The following KANK1 variants were observed in gnomAD, a reference collection of about 807,000 sequenced individuals.
KANK1 encodes KN motif and ankyrin repeat domains 1, also known as KN motif and ankyrin repeat domain-containing protein 1.
A neutral mutation model predicts 106.2 loss-of-function variants in KANK1; 109 were observed. That is an observed-to-expected ratio of 1.03 (90% CI 0.88 to 1.20). The LOEUF is 1.20. Among genes scored for constraint, KANK1 ranks in the 50% most tolerant of loss-of-function variants. The pLI, the probability that KANK1 is intolerant of heterozygous loss-of-function variation, is 0.00. For synonymous variants in KANK1, 873 were observed against 652.2 expected, an observed-to-expected ratio of 1.34 and a Z score of -5.16; for missense variants, 2,399 against 1,710.7, an observed-to-expected ratio of 1.40 and a Z score of -7.10.
chr9:683,955 T>A (rs1054823262), intron 2 of KANK1, among the ~76,000 whole-genome samples: 6 of 152,156 alleles, frequency 3.9e-5, no homozygotes, highest in African/African-American at 1.4e-4. Context: ...TGTAACTACT[T>A]CTTAGATTTC....
chr9:682,021 T>C (rs1009439302), intron 2 of KANK1, among the ~76,000 whole-genome samples: 3 of 152,190 alleles, frequency 2.0e-5, no homozygotes, highest in African/African-American at 7.2e-5. Context: ...GGCTTACGCC[T>C]GTAATTCCAG....
intron 1 of KANK1, chr9:549,487 T>G (rs923186699): frequency 1.3e-5 from 2 of 152,268 alleles, no homozygotes; most frequent in Non-Finnish European, 2.9e-5. Flanking sequence ...CCCGTTCATG[T>G]TAAGCAGTTT....
chr9:521,358 T>C (rs934411853), intron 1 of KANK1, among the ~76,000 whole-genome samples: 3 of 151,524 alleles, frequency 2.0e-5, no homozygotes, highest in African/African-American at 4.9e-5. Flanking sequence ...ATGAGAAAGC[T>C]GAAGTCTCTT....
intron 11 of KANK1, chr9:744,834 T>G: frequency 8.4e-6 from 12 of 1,422,444 alleles, no homozygotes; most frequent in Non-Finnish European, 1.1e-5. Context: ...CCATAGAGGT[T>G]TTGATTCTGT....
Position 489,036 on chromosome 9 carries a change from G to A in KANK1, c.-362+15763G>A, listed in dbSNP as rs138635519. On this transcript the variant is annotated intron_variant, in intron 3 of 15. Transcript: ENST00000382303. ...GTAAAATGAGGATGCTTGATCCATTGTTTCTTAACTAGGAGGAGTTTTGGA... is the reference window on the plus strand; with the variant it reads ...GTAAAATGAGGATGCTTGATCCATTATTTCTTAACTAGGAGGAGTTTTGGA... The A allele has an allele frequency of 2.0e-5, 3 of 152,218 alleles. No individual in the cohort carries two copies. In the East Asian group the frequency reaches 5.8e-4, roughly 29 times the overall value. 9.4% of individuals were successfully genotyped at this position (152,218 alleles called of 1,614,324 possible).
At chr9:590,547 A>G (rs529000287) in intron 1 of KANK1, among the ~76,000 whole-genome samples, 1 of 152,326 alleles carries the variant, frequency 6.6e-6, no homozygotes, top group African/African-American at 2.4e-5. Context: ...TAGTGACTGT[A>G]GAAAAATGAA....
intron 1 of KANK1, among the ~76,000 whole-genome samples, chr9:565,715 C>T (rs545952834): frequency 2.0e-5 from 3 of 151,912 alleles, no homozygotes; most frequent in African/African-American, 7.3e-5. Flanking sequence ...GTCAGCCAGT[C>T]GTCAAAAATG....
At chr9:640,937 C>T (rs551273998) in intron 1 of KANK1, among the ~76,000 whole-genome samples, 2 of 152,094 alleles carry the variant, frequency 1.3e-5, no homozygotes, top group South Asian at 4.1e-4. Flanking sequence ...ACCTTGTTAT[C>T]TGCCCGCCTC....
At chr9:475,861 A>G (rs1250018588) in intron 3 of KANK1, among the ~76,000 whole-genome samples, 1 of 151,898 alleles carries the variant, frequency 6.6e-6, no homozygotes, top group East Asian at 1.9e-4. Flanking sequence ...TTATTTATTT[A>G]TTTATTTTTG....
chr9:491,258 C>T (rs1307431941), intron 3 of KANK1, among the ~76,000 whole-genome samples: 1 of 151,028 alleles, frequency 6.6e-6, no homozygotes, highest in Non-Finnish European at 1.5e-5. Flanking sequence ...ACCGTGCCCA[C>T]TCCTGGAGTG....
At chr9:548,876 C>T (rs934566149) in intron 1 of KANK1, among the ~76,000 whole-genome samples, 2 of 151,858 alleles carry the variant, frequency 1.3e-5, no homozygotes, top group African/African-American at 4.8e-5. Flanking sequence ...TCCAGGAGTT[C>T]GAGACCAGCC....
chr9:664,714 A>G (rs936875788), intron 1 of KANK1, among the ~76,000 whole-genome samples: 3 of 152,228 alleles, frequency 2.0e-5, no homozygotes, highest in African/African-American at 2.4e-5. Flanking sequence ...GCTGGATCAT[A>G]TAGTATTCTA....
At chr9:601,266 G>C (rs1035610645) in intron 1 of KANK1, among the ~76,000 whole-genome samples, 1 of 151,702 alleles carries the variant, frequency 6.6e-6, no homozygotes, top group Non-Finnish European at 1.5e-5. Flanking sequence ...AATCTAAATT[G>C]GTCTAATACT....
chr9:707,130 T>C, intron 2 of KANK1: 1 of 985,412 alleles, frequency 1.0e-6, no homozygotes, highest in Non-Finnish European at 1.2e-6. Flanking sequence ...TTTACACGAA[T>C]GTTGAAACTT....
At chr9:491,513 C>G (rs1244194900) in intron 3 of KANK1, among the ~76,000 whole-genome samples, 1 of 151,854 alleles carries the variant, frequency 6.6e-6, no homozygotes, top group African/African-American at 2.4e-5. Flanking sequence ...GTGATCCACC[C>G]TCCTCGGCCC....
chr9:659,216 G>C (rs929856213), intron 1 of KANK1, among the ~76,000 whole-genome samples: 16 of 152,148 alleles, frequency 1.1e-4, no homozygotes, highest in Admixed American at 9.8e-4. Flanking sequence ...GCTTCCTGGG[G>C]GATGTTTTCT....
chr9:711,112 A>G lies in KANK1; in HGVS notation c.346A>G (p.Thr116Ala), dbSNP rs113951662. 2.1e-3 allele frequency: 3,460 copies of G among 1,613,676 alleles called. 68 individuals are homozygous for G. The African/African-American group carries it at 0.041, about 19-fold the overall frequency. ...FLIARSQVTS[T>A]PISKPPPPLE... ...CATAGCCAGAAGTCAAGTTACATCA[A>G]CTCCAATCTCAAAGCCACCTCCCCC... Residue 116 changes from threonine to alanine, a missense_variant, in exon 3 of 12, where the codon ACT (threonine) becomes GCT (alanine). Transcript: ENST00000382297.
At chr9:534,619 A>G (rs924757482) in intron 1 of KANK1, among the ~76,000 whole-genome samples, 3 of 152,216 alleles carry the variant, frequency 2.0e-5, no homozygotes, top group African/African-American at 7.2e-5. Flanking sequence ...GTTATGCAGC[A>G]GCCTACTGGC....
chr9:620,131 TAAA>T (rs35162748), intron 1 of KANK1, among the ~76,000 whole-genome samples: 2 of 147,662 alleles, frequency 1.4e-5, no homozygotes, highest in African/African-American at 2.5e-5. Context: ...GACTCCCATC[TAAA>T]AAAAAAAAAA....
Sources: allele counts gnomAD v4.1 joint callset (sites outside exome capture counted in the v4.1 genomes callset), GRCh38; gene constraint gnomAD v4.1.1; transcripts MANE v1.5; gene names NCBI Gene and HGNC (gene_info 2026-07-23, HGNC 2026-07-21).